CNTNAP4: variants seen among roughly 807,000 people sequenced by gnomAD.
CNTNAP4 encodes the protein contactin-associated protein-like 4.
In CNTNAP4, 98 loss-of-function variants were observed where a neutral mutation model predicts 148.4. That is an observed-to-expected ratio of 0.66 (90% confidence interval 0.56 to 0.78). The LOEUF (loss-of-function observed/expected upper bound fraction) is 0.78. Among genes scored for constraint, CNTNAP4 ranks in the 30% least tolerant of loss-of-function variants. CNTNAP4 has a pLI of 0.00. For missense variants in CNTNAP4, 1,935 were observed against 1,565.6 expected, an observed-to-expected ratio of 1.24 and a Z score of -3.98; for synonymous variants, 730 against 565.1, an observed-to-expected ratio of 1.29 and a Z score of -4.14.
chr16:76,396,554 A>G (rs998453396), intron 3 of CNTNAP4, among the ~76,000 whole-genome samples: 1 of 152,226 alleles, frequency 6.6e-6, no homozygotes, highest in Non-Finnish European at 1.5e-5. Flanking sequence ...ACATGATTAC[A>G]GAGTGGTTTT....
chr16:76,459,543 C>T (rs987621525), intron 8 of CNTNAP4, among the ~76,000 whole-genome samples: 23 of 152,154 alleles, frequency 1.5e-4, no homozygotes, highest in Admixed American at 1.2e-3. Context: ...GACATGTAAT[C>T]ACCTAAGGGA....
intron 15 of CNTNAP4, among the ~76,000 whole-genome samples, chr16:76,520,372 G>C (rs925164770): frequency 2.6e-5 from 4 of 152,100 alleles, no homozygotes; most frequent in African/African-American, 9.7e-5. Context: ...AGTGGTATTT[G>C]GGCAGCAATT....
intron 4 of CNTNAP4, among the ~76,000 whole-genome samples, chr16:76,431,687 A>G (rs10221035): frequency 0.014 from 2,120 of 152,294 alleles, 37 homozygotes; most frequent in African/African-American, 0.043. Context: ...TCAAAAGTAA[A>G]GGGGGAGGTA....
intron 2 of CNTNAP4, among the ~76,000 whole-genome samples, chr16:76,331,728 C>G (rs1480132051): frequency 6.6e-6 from 1 of 152,044 alleles, no homozygotes; most frequent in East Asian, 1.9e-4. Flanking sequence ...ATGCATTTGT[C>G]TTTTAAATTA....
intron 7 of CNTNAP4, among the ~76,000 whole-genome samples, chr16:76,450,672 A>G (rs2080426638): frequency 6.6e-6 from 1 of 152,242 alleles, no homozygotes; most frequent in Non-Finnish European, 1.5e-5. Flanking sequence ...CCGCAAGCAA[A>G]TACAGGTTGT....
chr16:76,304,591 G>A (rs942981808), intron 1 of CNTNAP4, among the ~76,000 whole-genome samples: 1 of 152,144 alleles, frequency 6.6e-6, no homozygotes, highest in Non-Finnish European at 1.5e-5. Context: ...GACTTTGGGA[G>A]GGATCCAGTT....
At chr16:76,361,289 C>A (rs941961141) in intron 3 of CNTNAP4, among the ~76,000 whole-genome samples, 23 of 152,086 alleles carry the variant, frequency 1.5e-4, no homozygotes, top group Admixed American at 1.5e-3. Flanking sequence ...TTGAATGACA[C>A]CTCCTCATTT....
chr16:76,448,029 C>T lies in CNTNAP4; in HGVS notation c.556C>T (p.Leu186Phe). ...GCAYRSEVVD[L>F]DGKSSLLYRF... ...GTTTCTAGGATCAGAAGTGGTTGAT[C>T]TTGATGGAAAAAGTTCCCTTCTCTA... Residue 186 changes from leucine to phenylalanine, a missense_variant, in exon 5 of 24, where the codon CTT becomes TTT. Transcript: ENST00000611870. 1.2e-6 allele frequency: 2 copies of T among 1,612,854 alleles called. No homozygotes were observed. Among genetic ancestry groups the T allele is most frequent in the Non-Finnish European group, 1.7e-6 (2 of 1,179,002 alleles).
At chr16:76,540,846 G>C in intron 21 of CNTNAP4, 56 bp downstream of exon 21, 3 of 1,275,790 alleles carry the variant, frequency 2.4e-6, no homozygotes, top group Non-Finnish European at 3.3e-6. Context: ...ACATAAGCAT[G>C]GATCAGAAAA....
chr16:76,459,409 T>C (rs1263322303), intron 8 of CNTNAP4, among the ~76,000 whole-genome samples: 1 of 151,810 alleles, frequency 6.6e-6, no homozygotes, highest in Non-Finnish European at 1.5e-5. Flanking sequence ...TTTCCTATTA[T>C]CTTACACAAA....
intron 17 of CNTNAP4, among the ~76,000 whole-genome samples, chr16:76,533,275 A>C (rs1289942918): frequency 6.6e-6 from 1 of 152,130 alleles, no homozygotes; most frequent in Non-Finnish European, 1.5e-5. Context: ...TCATATAAGG[A>C]AGCTAAGGAA....
chr16:76,558,204 T>A (rs2085274920), intron 23 of CNTNAP4: 1 of 264,038 alleles, frequency 3.8e-6, no homozygotes, highest in Admixed American at 5.3e-5. Flanking sequence ...CCTAGAGACA[T>A]ATAGTTAATA....
At chr16:76,315,477 A>T (rs1386650540) in intron 1 of CNTNAP4, among the ~76,000 whole-genome samples, 1 of 152,214 alleles carries the variant, frequency 6.6e-6, no homozygotes, top group Non-Finnish European at 1.5e-5. Context: ...AATGTGTCAG[A>T]GTTTCTCTTG....
intron 23 of CNTNAP4, among the ~76,000 whole-genome samples, chr16:76,556,965 C>G (rs1210496829): frequency 6.6e-6 from 1 of 152,162 alleles, no homozygotes; most frequent in Non-Finnish European, 1.5e-5. Flanking sequence ...TAAAAACCTT[C>G]AAATCTTTGA....
chr16:76,348,012 AGAGACTTACTAG>A (rs893101900), intron 2 of CNTNAP4, among the ~76,000 whole-genome samples: 2 of 152,134 alleles, frequency 1.3e-5, no homozygotes, highest in African/African-American at 4.8e-5. Flanking sequence ...AGGAAGAAAG[AGAGACTTACTAG>A]GTGACTGTTG....
chr16:76,410,883 T>A (rs989063584), intron 3 of CNTNAP4, among the ~76,000 whole-genome samples: 2 of 151,590 alleles, frequency 1.3e-5, no homozygotes, highest in Admixed American at 6.6e-5. Flanking sequence ...TGGGCATGTC[T>A]CAGAGGTTAC....
chr16:76,319,494 T>C (rs1485458606), intron 2 of CNTNAP4, among the ~76,000 whole-genome samples: 2 of 152,138 alleles, frequency 1.3e-5, no homozygotes, highest in African/African-American at 2.4e-5. Flanking sequence ...TTGGGTTGAA[T>C]TGTGTCCTCC....
chr16:76,364,599 A>G (rs2013878014), intron 3 of CNTNAP4, among the ~76,000 whole-genome samples: 1 of 152,098 alleles, frequency 6.6e-6, no homozygotes, highest in African/African-American at 2.4e-5. Context: ...TGTCTTAGAC[A>G]TCTGCTTTTT....
intron 21 of CNTNAP4, among the ~76,000 whole-genome samples, chr16:76,549,118 A>T (rs902970382): frequency 6.6e-6 from 1 of 151,712 alleles, no homozygotes; most frequent in African/African-American, 2.4e-5. Flanking sequence ...GGGGCTTCCT[A>T]CCTTCTGGGT....
Sources: allele counts gnomAD v4.1 joint callset (sites outside exome capture counted in the v4.1 genomes callset), GRCh38; gene constraint gnomAD v4.1.1; transcripts MANE v1.5; gene names NCBI Gene and HGNC (gene_info 2026-07-23, HGNC 2026-07-21).